The following COX11 variants were observed in gnomAD, a reference collection of about 807,000 sequenced individuals.
COX11 encodes the protein cytochrome c oxidase assembly protein COX11, mitochondrial.
Under a neutral mutation model 29.4 loss-of-function variants are expected in COX11, and 18 were observed. That is an observed-to-expected ratio of 0.61 (90% CI 0.42 to 0.91). The LOEUF is 0.91. Ranked by LOEUF, COX11 falls within the 40% of genes least tolerant of loss-of-function variation. The pLI is 0.00. For synonymous variants in COX11, 131 were observed against 124.0 expected (o/e 1.06, Z -0.38); for missense variants, 312 against 346.0 (o/e 0.90, Z 0.78).
Position 54,961,162 on chromosome 17 carries a change from C to A in COX11, c.*1571G>T. On this transcript the variant is annotated 3_prime_UTR_variant, in exon 4 of 4. Coordinates refer to ENST00000299335, the MANE Select transcript of COX11 (RefSeq NM_004375.5). ...TGACTCTCCAGCTTCCCAGTAAAGA[C>A]AAGAGAGTTATCAAGGAATGGGGAA... 1 of 1,064,924 alleles carries A rather than the reference C, an allele frequency of 9.4e-7. No homozygotes were observed. Among genetic ancestry groups the A allele is most frequent in the East Asian group, 2.6e-5 (1 of 38,738 alleles). 66.0% of individuals were successfully genotyped at this position (1,064,924 alleles called of 1,614,324 possible).
rs2077163334 is a variant in COX11 at position 54,963,305 on chromosome 17, C to T, written c.648+1G>A. 1.2e-6 allele frequency: 2 copies of T among 1,608,372 alleles called. No homozygotes were observed. Among genetic ancestry groups the T allele is most frequent in the Non-Finnish European group, 1.7e-6 (2 of 1,176,934 alleles). The stretch of plus-strand genomic sequence containing the variant: ...TCTGTAAAGTTTACACTTTGATGTA[C>T]CTGTATTTTATTGAAATACTGTCCA... On this transcript the variant is annotated splice_donor_variant, in intron 3 of 3. Coordinates refer to ENST00000299335, the MANE Select transcript of COX11 (RefSeq NM_004375.5). LOFTEE classifies it high-confidence loss of function.
At chr17:54,968,709 C>G (rs964437278), upstream of COX11, 1 of 1,536,552 alleles carries the variant, frequency 6.5e-7, no homozygotes. Context: ...GCGAGGCGTG[C>G]TCCGTCTCGC....
At chr17:54,967,196 T>C (rs1217221754) in intron 1 of COX11, among the ~76,000 whole-genome samples, 2 of 152,198 alleles carry the variant, frequency 1.3e-5, no homozygotes, top group Non-Finnish European at 2.9e-5. Flanking sequence ...GTTCCCACTG[T>C]GGCCTTGTGA....
chr17:54,963,342 A>G lies in COX11; in HGVS notation c.612T>C (p.Val204=). The G allele has an allele frequency of 6.2e-7, 1 of 1,612,172 alleles. No individual in the cohort carries two copies. The highest frequency in any genetic ancestry group is 8.5e-7 in the Non-Finnish European group (1 of 1,178,902). ...PVIGISTYNI[V]PFEAGQYFNK... is the part of the protein sequence containing the mutation. ...TGAAATACTGTCCAGCTTCAAATGG[A>G]ACAATATTGTATGTAGAAATTCCAA... Residue 204 remains valine (V), a synonymous_variant, in exon 3 of 4, where the codon GTT becomes GTC. Coordinates refer to ENST00000299335, the MANE Select transcript of COX11 (RefSeq NM_004375.5).
At position 54,961,159 on chromosome 17, in the gene COX11, AGAC is replaced by A; in HGVS notation, c.*1571_*1573del. 9.7e-7 allele frequency: 1 copy of A among 1,035,278 alleles called. No individual in the cohort carries two copies. Among genetic ancestry groups the A allele is most frequent in the Non-Finnish European group, 1.5e-6 (1 of 680,822 alleles). The allele number at this position is 1,035,278 out of a possible 1,614,324, so 64.1% of individuals were successfully genotyped here. ...CTGTGACTCTCCAGCTTCCCAGTAA[AGAC>A]AAGAGAGTTATCAAGGAATGGGGAA... On this transcript the variant is annotated 3_prime_UTR_variant, in exon 4 of 4. Transcript: ENST00000299335.
Position 54,962,110 on chromosome 17 carries a change from T to C in COX11, c.*623A>G. 1 of 960,310 alleles carries C rather than the reference T, an allele frequency of 1.0e-6. No homozygotes were observed. Among genetic ancestry groups the C allele is most frequent in the Non-Finnish European group, 1.2e-6 (1 of 806,852 alleles). 59.5% of individuals were successfully genotyped at this position (960,310 alleles called of 1,614,324 possible). A position where few individuals can be genotyped will look rare whatever the true frequency, so the allele number is the denominator to read the frequency against. The stretch of plus-strand genomic sequence containing the variant: ...TAGTAGATGTATTTTATTTCAATTT[T>C]ATGATACTACAGTTTCAAAGTAATT... On this transcript the variant is annotated 3_prime_UTR_variant, in exon 4 of 4. Coordinates refer to ENST00000299335, the MANE Select transcript of COX11 (RefSeq NM_004375.5).
intron 1 of COX11, among the ~76,000 whole-genome samples, chr17:54,967,042 G>GCGCACACACACGCGCGCACACACACA (rs1310473186): frequency 4.2e-5 from 4 of 96,040 alleles, no homozygotes; most frequent in Non-Finnish European, 1.1e-4. Flanking sequence ...GCGCGCGCGC[G>GCGCACACACACGCGCGCACACACACA]CACACACACA....
intron 1 of COX11, among the ~76,000 whole-genome samples, chr17:54,967,596 AC>A (rs897566850): frequency 1.1e-4 from 7 of 61,444 alleles, no homozygotes; most frequent in East Asian, 7.4e-4. Flanking sequence ...TCCCCGCCCC[AC>A]CCCCCCACCC....
downstream of COX11, among the ~76,000 whole-genome samples, chr17:54,958,730 CAAAA>C (rs61603848): frequency 8.0e-4 from 46 of 57,480 alleles, no homozygotes; most frequent in African/African-American, 2.0e-3. Context: ...AACTCCATCT[CAAAA>C]AAAAAAAAAA....
chr17:54,962,324 A>G lies in COX11; in HGVS notation c.*409T>C, dbSNP rs368987651. 1 of 987,474 alleles carries G rather than the reference A, an allele frequency of 1.0e-6. No homozygotes were observed. Among genetic ancestry groups the G allele is most frequent in the Admixed American group, 6.1e-5 (1 of 16,312 alleles). 61.2% of individuals were successfully genotyped at this position (987,474 alleles called of 1,614,324 possible). A position where few individuals can be genotyped will look rare whatever the true frequency, so the allele number is the denominator to read the frequency against. On this transcript the variant is annotated 3_prime_UTR_variant, in exon 4 of 4. Transcript: ENST00000299335. ...TCTTTTAGACACAATAAACATGGTT[A>G]GAAGTTCTGGCCTATGACTTGAAAC...
exon 1 of COX11, chr17:54,954,142 A>C (rs550754654): frequency 1.3e-5 from 2 of 152,316 alleles, no homozygotes; most frequent in African/African-American, 4.8e-5. Context: ...CCAGGTTATC[A>C]GCACACATAT....
At position 54,963,439 on chromosome 17, in the gene COX11, A is replaced by C. The variant is rs765668601; in HGVS notation, c.523-8T>G. ...AGTCTCTCCTGGCACCACCTGTTTTAAAGAATATATATATTATCAATACTT... is the reference window on the plus strand; with the variant it reads ...AGTCTCTCCTGGCACCACCTGTTTTCAAGAATATATATATTATCAATACTT... On this transcript the variant is annotated splice_polypyrimidine_tract_variant and splice_region_variant and intron_variant, in intron 2 of 3. Transcript: ENST00000299335. 2.6e-5 allele frequency: 42 copies of C among 1,604,614 alleles called. No homozygotes were observed. Among genetic ancestry groups the C allele is most frequent in the Non-Finnish European group, 3.5e-5 (41 of 1,177,050 alleles).
At position 54,962,077 on chromosome 17, in the gene COX11, T is replaced by A; in HGVS notation, c.*656A>T. 1.0e-6 allele frequency: 1 copy of A among 979,920 alleles called. No homozygotes were observed. Among genetic ancestry groups the A allele is most frequent in the South Asian group, 4.7e-5 (1 of 21,210 alleles). 60.7% of individuals were successfully genotyped at this position (979,920 alleles called of 1,614,324 possible). A position where few individuals can be genotyped will look rare whatever the true frequency, so the allele number is the denominator to read the frequency against. On this transcript the variant is annotated 3_prime_UTR_variant, in exon 4 of 4. Transcript: ENST00000299335. ...GGACTTGTAATGGTGATGCTTTGGC[T>A]AACAGCCTAGTAGATGTATTTTATT...
downstream of COX11, among the ~76,000 whole-genome samples, chr17:54,960,344 A>C (rs1002262502): frequency 6.6e-6 from 1 of 152,150 alleles, no homozygotes; most frequent in South Asian, 2.1e-4. Context: ...CAGCCTGGAC[A>C]AAAGAGTGAG....
At chr17:54,964,386 T>C (rs1231913504) in intron 2 of COX11, 2 of 285,458 alleles carry the variant, frequency 7.0e-6, no homozygotes, top group Non-Finnish European at 1.3e-5. Context: ...GGAAGCTATA[T>C]AGCCTGACGG....
chr17:54,963,128 A>G (rs1473749938), intron 3 of COX11, 178 bp downstream of exon 3: 1 of 793,684 alleles, frequency 1.3e-6, no homozygotes, highest in East Asian at 2.7e-5. Flanking sequence ...AAAAGCAGAT[A>G]TCCATTTGGT....
At chr17:54,968,782 G>T, upstream of COX11, 2 of 1,028,056 alleles carry the variant, frequency 1.9e-6, no homozygotes, top group Non-Finnish European at 2.8e-6. Flanking sequence ...AGCGCTTGCA[G>T]TCGGGCTACG....
At chr17:54,960,207 A>G (rs1238219834), downstream of COX11, among the ~76,000 whole-genome samples, 1 of 152,072 alleles carries the variant, frequency 6.6e-6, no homozygotes, top group Non-Finnish European at 1.5e-5. Context: ...TACTTAAAAT[A>G]CAAAAAAATT....
At chr17:54,963,471 TCA>T (rs2077167092) in intron 2 of COX11, 40 bp from the exon 3 acceptor site, 1 of 1,562,824 alleles carries the variant, frequency 6.4e-7, no homozygotes, top group African/African-American at 1.4e-5. Flanking sequence ...ACTTTGAATC[TCA>T]CAAAGTTCCT....
Sources: gnomAD v4.1 joint callset for allele counts (sites outside exome capture counted in the v4.1 genomes callset) on GRCh38, gnomAD v4.1.1 for gene constraint, MANE v1.5 for transcripts, NCBI Gene and HGNC (gene_info 2026-07-23, HGNC 2026-07-21) for gene names.